Variants in TRIM5 observed in about 807,000 individuals in gnomAD.
The protein encoded by TRIM5 is tripartite motif containing 5.
In TRIM5, 31 loss-of-function variants were observed where a neutral mutation model predicts 35.6. The observed-to-expected ratio is 0.87, with a 90% CI of 0.65 to 1.18. The LOEUF (loss-of-function observed/expected upper bound fraction) is 1.18. TRIM5 is among the 50% of genes most tolerant of loss of function. The probability of loss-of-function intolerance (pLI) is 0.00; values close to 1 mark genes in which losing one functional copy is unlikely to be tolerated. For synonymous variants in TRIM5, 243 were observed against 215.6 expected (o/e 1.13, Z -1.11); for missense variants, 609 against 591.6 (o/e 1.03, Z -0.31).
chr11:5,594,302 G>A, the TRIM5 span, among the ~76,000 whole-genome samples: 6 of 151,922 alleles, frequency 3.9e-5, no homozygotes, highest in Non-Finnish European at 7.4e-5. Flanking sequence ...CTTTCATTCT[G>A]TTTTTTGTTT....
the TRIM5 span, chr11:5,634,528 C>T: frequency 6.1e-3 from 3,269 of 536,576 alleles, 105 homozygotes; most frequent in African/African-American, 0.068. Context: ...CACACACACA[C>T]ACATATATAT....
chr11:5,613,903 T>C, the TRIM5 span, among the ~76,000 whole-genome samples: 2 of 51,738 alleles, frequency 3.9e-5, no homozygotes, highest in Admixed American at 4.8e-4. Context: ...ATTGTGATAT[T>C]TACTTCTTTA....
the TRIM5 span, among the ~76,000 whole-genome samples, chr11:5,646,400 T>A: frequency 2.0e-4 from 30 of 152,162 alleles, no homozygotes; most frequent in African/African-American, 7.2e-4. Flanking sequence ...TTATTCTCCA[T>A]CAAATATGAC....
At chr11:5,610,404 G>A in the TRIM5 span, 1 of 1,580,214 alleles carries the variant, frequency 6.3e-7, no homozygotes, top group Admixed American at 1.7e-5. Context: ...TTGTATTTAA[G>A]GGGAGATGAA....
chr11:5,633,817 C>T, the TRIM5 span: 1 of 1,613,778 alleles, frequency 6.2e-7, no homozygotes. Flanking sequence ...AAACTCCAGG[C>T]AGTCCTCAAG....
At chr11:5,608,331 A>C in the TRIM5 span, 1 of 1,611,982 alleles carries the variant, frequency 6.2e-7, no homozygotes, top group Non-Finnish European at 8.5e-7. Flanking sequence ...TAAGGGCATG[A>C]CCTGTTACTC....
At chr11:5,643,751 T>C in the TRIM5 span, 14 of 1,531,520 alleles carry the variant, frequency 9.1e-6, 1 homozygote, top group Admixed American at 2.2e-5. Context: ...TCTTGACTTA[T>C]CTCCTGCAAC....
At chr11:5,605,889 G>T in the TRIM5 span, among the ~76,000 whole-genome samples, 1 of 152,136 alleles carries the variant, frequency 6.6e-6, no homozygotes, top group African/African-American at 2.4e-5. Flanking sequence ...TTTCTGGCTG[G>T]ATAATTCTTT....
At chr11:5,616,283 C>T in the TRIM5 span, among the ~76,000 whole-genome samples, 1 of 140,496 alleles carries the variant, frequency 7.1e-6, no homozygotes, top group Non-Finnish European at 1.6e-5. Context: ...TTTGTGTCTT[C>T]GTACTCCAGC....
the TRIM5 span, among the ~76,000 whole-genome samples, chr11:5,631,030 G>T: frequency 6.6e-6 from 1 of 152,158 alleles, no homozygotes; most frequent in Non-Finnish European, 1.5e-5. Context: ...TATGTATTGG[G>T]ACATCTCTCT....
the TRIM5 span, among the ~76,000 whole-genome samples, chr11:5,625,594 T>G: frequency 6.6e-6 from 1 of 152,264 alleles, no homozygotes; most frequent in Non-Finnish European, 1.5e-5. Flanking sequence ...TGGCAACCAC[T>G]AAGGGGCTTT....
the TRIM5 span, among the ~76,000 whole-genome samples, chr11:5,604,261 G>A: frequency 5.9e-5 from 9 of 152,214 alleles, no homozygotes; most frequent in Middle Eastern, 3.4e-3. Flanking sequence ...CAATCCACCC[G>A]CCTCAGCCTC....
chr11:5,675,032 TTTTC>T lies in TRIM5; in HGVS notation c.744+3168_744+3171del, dbSNP rs1378014099. 1.4e-5 allele frequency among the ~76,000 whole-genome samples: 2 copies of T among 144,932 alleles called. 1 individual carries two copies. Among genetic ancestry groups the T allele is most frequent in the Admixed American group, 1.4e-4 (2 of 14,126 alleles). The stretch of plus-strand genomic sequence containing the variant: ...TTCTTGAAAATTGGGATAAGAGCAG[TTTTC>T]TTTTTTTTTTGAGATGGAGTCTCGC... On this transcript the variant is annotated intron_variant, in intron 4 of 7. Coordinates refer to ENST00000380034, the MANE Select transcript of TRIM5 (RefSeq NM_033034.3).
chr11:5,650,890 AC>A, the TRIM5 span, among the ~76,000 whole-genome samples: 195 of 152,174 alleles, frequency 1.3e-3, no homozygotes, highest in Admixed American at 4.2e-3. Flanking sequence ...CCTGCCAAAT[AC>A]TCCAAAATCT....
At chr11:5,603,257 C>T in the TRIM5 span, 2 of 1,613,458 alleles carry the variant, frequency 1.2e-6, no homozygotes, top group Admixed American at 1.7e-5. Flanking sequence ...ATTCTACAGG[C>T]AGGAAACATC....
chr11:5,599,375 C>G, the TRIM5 span, among the ~76,000 whole-genome samples: 5 of 120,916 alleles, frequency 4.1e-5, no homozygotes, highest in Admixed American at 4.8e-4. Context: ...AATACCAATA[C>G]AATTATTATA....
chr11:5,624,669 T>C, the TRIM5 span, among the ~76,000 whole-genome samples: 1 of 152,222 alleles, frequency 6.6e-6, no homozygotes, highest in Non-Finnish European at 1.5e-5. Flanking sequence ...TCCCATACAT[T>C]GTAGAATGCT....
chr11:5,662,074 A>C (rs2134004086), downstream of TRIM5, among the ~76,000 whole-genome samples: 1 of 152,314 alleles, frequency 6.6e-6, no homozygotes, highest in African/African-American at 2.4e-5. Flanking sequence ...GTAAAAGGGA[A>C]AATTTATAGC....
chr11:5,680,223 T>C lies in TRIM5; in HGVS notation c.-46A>G. 6.5e-7 allele frequency: 1 copy of C among 1,528,106 alleles called. No individual in the cohort carries two copies. The highest frequency in any genetic ancestry group is 8.8e-7 in the Non-Finnish European group (1 of 1,135,470). 94.7% of individuals were successfully genotyped at this position (1,528,106 alleles called of 1,614,324 possible). On this transcript the variant is annotated 5_prime_UTR_variant, in exon 2 of 8. Coordinates refer to ENST00000380034, the MANE Select transcript of TRIM5 (RefSeq NM_033034.3). Reference sequence around the variant, plus strand: ...TGCCTGTCCTGGCTGCTGAGGTTCCTCTTGTTCACAGATCCCTGCATGATT... The same window carrying C: ...TGCCTGTCCTGGCTGCTGAGGTTCCCCTTGTTCACAGATCCCTGCATGATT...
Sources: gnomAD v4.1 joint callset for allele counts (sites outside exome capture counted in the v4.1 genomes callset) on GRCh38, gnomAD v4.1.1 for gene constraint, MANE v1.5 for transcripts, NCBI Gene and HGNC (gene_info 2026-07-23, HGNC 2026-07-21) for gene names.